The following PPARA variants were observed in gnomAD, a reference collection of about 807,000 sequenced individuals.
The protein encoded by PPARA is peroxisome proliferator activated receptor alpha.
Under a neutral mutation model 42.2 loss-of-function variants are expected in PPARA, and 22 were observed. The observed-to-expected ratio is 0.52, with a 90% CI of 0.37 to 0.74. PPARA has a LOEUF of 0.74. Ranked by LOEUF, PPARA falls within the 30% of genes least tolerant of loss-of-function variation. The probability of loss-of-function intolerance (pLI) is 0.00; values close to 1 mark genes in which losing one functional copy is unlikely to be tolerated. For missense variants in PPARA, 465 were observed against 608.2 expected (o/e 0.76, Z 2.48); for synonymous variants, 242 against 239.3 (o/e 1.01, Z -0.10).
chr22:46,198,598 G>A lies in PPARA; in HGVS notation c.208+7G>A, dbSNP rs758611139. On this transcript the variant is annotated splice_region_variant and intron_variant, in intron 4 of 8. Coordinates refer to ENST00000407236, the MANE Select transcript of PPARA (RefSeq NM_005036.6). ...GATGGCTCGGTCATCACGGGTAAGT[G>A]TGCCGTTTCCTAGAAAGTTTTATTT... 1.2e-6 allele frequency: 2 copies of A among 1,611,418 alleles called. No individual in the cohort carries two copies. The highest frequency in any genetic ancestry group is 1.7e-6 in the Non-Finnish European group (2 of 1,178,494).
intron 4 of PPARA, among the ~76,000 whole-genome samples, chr22:46,210,423 T>C (rs1933814616): frequency 6.6e-6 from 1 of 152,030 alleles, no homozygotes; most frequent in South Asian, 2.1e-4. Context: ...TTTCTGATTC[T>C]TCATGTGTCC....
At chr22:46,215,104 C>T (rs1231031230) in intron 4 of PPARA, 69 bp from the exon 5 acceptor site, 3 of 1,573,494 alleles carry the variant, frequency 1.9e-6, no homozygotes, top group Admixed American at 1.7e-5. Flanking sequence ...ATCACATCCT[C>T]ATAGACCCGG....
At chr22:46,152,849 C>T (rs1243919450) in intron 2 of PPARA, among the ~76,000 whole-genome samples, 3 of 152,092 alleles carry the variant, frequency 2.0e-5, no homozygotes, top group Non-Finnish European at 4.4e-5. Flanking sequence ...ACTTTGGAAG[C>T]TGGGGTGGGC....
In PPARA at chr22:46,162,705, C is replaced by T. The variant is rs1241442051; in HGVS notation, c.-127+10735C>T. Reference sequence around the variant, plus strand: ...GGTGCTTCAGGACTGGCTCTGGGAGCCTGTGGCTCCTGCCGGGTACCCACC... The same window carrying T: ...GGTGCTTCAGGACTGGCTCTGGGAGTCTGTGGCTCCTGCCGGGTACCCACC... On this transcript the variant is annotated intron_variant, in intron 2 of 8. Transcript: ENST00000407236. This position sits in a 1 kb window ranked among gnomAD's most constrained non-coding sequence, Gnocchi z 6.0. Among the ~76,000 whole-genome samples the T allele has an allele frequency of 6.6e-6, 1 of 152,174 alleles. No individual in the cohort carries two copies. Among genetic ancestry groups the T allele is most frequent in the Non-Finnish European group, 1.5e-5 (1 of 68,042 alleles).
chr22:46,176,444 C>A (rs1016860609), intron 2 of PPARA, among the ~76,000 whole-genome samples: 4 of 152,086 alleles, frequency 2.6e-5, no homozygotes, highest in Non-Finnish European at 4.4e-5. Flanking sequence ...CAAGATCATG[C>A]CACTGCACTC....
At chr22:46,158,726 C>T (rs1365435978) in intron 2 of PPARA, among the ~76,000 whole-genome samples, 1 of 152,184 alleles carries the variant, frequency 6.6e-6, no homozygotes, top group Non-Finnish European at 1.5e-5. Flanking sequence ...GAAGCATTTT[C>T]AGGCAGTTTT....
At position 46,183,870 on chromosome 22, in the gene PPARA, G is replaced by T. The variant is rs1378425750; in HGVS notation, c.-43+7034G>T. 6.6e-6 allele frequency among the ~76,000 whole-genome samples: 1 copy of T among 152,158 alleles called. No homozygotes were observed. The highest frequency in any genetic ancestry group is 6.6e-5 in the Admixed American group (1 of 15,264). ...AGTAAACCACACAGAGGGTTCTAACGTGGTTGTTAGAAGCAGAAACTAGAG... is the reference window on the plus strand; with the variant it reads ...AGTAAACCACACAGAGGGTTCTAACTTGGTTGTTAGAAGCAGAAACTAGAG... On this transcript the variant is annotated intron_variant, in intron 3 of 8. Coordinates refer to ENST00000407236, the MANE Select transcript of PPARA (RefSeq NM_005036.6). The surrounding 1 kb of genome is among the most constrained non-coding windows in gnomAD (Gnocchi z 5.5).
intron 7 of PPARA, among the ~76,000 whole-genome samples, chr22:46,228,842 C>A (rs1045727320): frequency 6.6e-6 from 1 of 151,840 alleles, no homozygotes; most frequent in African/African-American, 2.4e-5. Context: ...TGGTGGCTCA[C>A]GCCTGTAATC....
Position 46,211,010 on chromosome 22 carries a change from C to T in PPARA, c.209-4163C>T, listed in dbSNP as rs1202667542. Among the ~76,000 whole-genome samples, 1 of 152,124 alleles carries T rather than the reference C, an allele frequency of 6.6e-6. No homozygotes were observed. Among genetic ancestry groups the T allele is most frequent in the Non-Finnish European group, 1.5e-5 (1 of 68,022 alleles). On this transcript the variant is annotated intron_variant, in intron 4 of 8. Coordinates refer to ENST00000407236, the MANE Select transcript of PPARA (RefSeq NM_005036.6). This position sits in a 1 kb window ranked among gnomAD's most constrained non-coding sequence, Gnocchi z 4.1. ...TTCAGTGATCTTCCACTGTGGGAGG[C>T]GAGAGCAGGACTATATCCAGCTCCA... is the stretch of plus-strand genomic sequence containing the variant.
At chr22:46,213,779 C>T (rs544051876) in intron 4 of PPARA, among the ~76,000 whole-genome samples, 2 of 152,216 alleles carry the variant, frequency 1.3e-5, no homozygotes, top group East Asian at 1.9e-4. Flanking sequence ...TTAGTAGAGA[C>T]GGAGTTTCAC....
chr22:46,221,788 A>G lies in PPARA; in HGVS notation c.711+1774A>G, dbSNP rs1211123165. ...CACTTCCAGCCTGGGCGACAAAGCC[A>G]GCTGTGTCTGGGCGCGGTGGCTCAT... On this transcript the variant is annotated intron_variant, in intron 7 of 8. Coordinates refer to ENST00000407236, the MANE Select transcript of PPARA (RefSeq NM_005036.6). This position sits in a 1 kb window ranked among gnomAD's most constrained non-coding sequence, Gnocchi z 5.9. Among the ~76,000 whole-genome samples the G allele has an allele frequency of 6.6e-6, 1 of 151,874 alleles. No individual in the cohort carries two copies. The highest frequency in any genetic ancestry group is 1.5e-5 in the Non-Finnish European group (1 of 68,002).
At chr22:46,207,524 C>A (rs1403601872) in intron 4 of PPARA, among the ~76,000 whole-genome samples, 1 of 150,308 alleles carries the variant, frequency 6.7e-6, no homozygotes, top group Non-Finnish European at 1.5e-5. Context: ...ACCTCATGAT[C>A]CGCCCACCTC....
At chr22:46,194,129 G>C (rs1931911908) in intron 3 of PPARA, among the ~76,000 whole-genome samples, 1 of 152,162 alleles carries the variant, frequency 6.6e-6, no homozygotes, top group Admixed American at 6.5e-5. Flanking sequence ...GTCTATCTGG[G>C]GGATGCATCC....
chr22:46,179,567 A>G (rs966479462), intron 3 of PPARA, among the ~76,000 whole-genome samples: 2 of 152,254 alleles, frequency 1.3e-5, no homozygotes, highest in Non-Finnish European at 2.9e-5. Flanking sequence ...TTAACTCAAA[A>G]TAGATCAGAG....
chr22:46,158,297 C>T (rs1456326057), intron 2 of PPARA, among the ~76,000 whole-genome samples: 2 of 152,114 alleles, frequency 1.3e-5, no homozygotes, highest in Non-Finnish European at 2.9e-5. Flanking sequence ...ATCCCAGCTA[C>T]TCAGGAGGCT....
chr22:46,154,137 T>G, intron 2 of PPARA, among the ~76,000 whole-genome samples: 1 of 152,216 alleles, frequency 6.6e-6, no homozygotes, highest in East Asian at 1.9e-4. Flanking sequence ...TCCGCAGTGC[T>G]GAACAAGACA....
rs4253786 is a variant in PPARA, at chr22:46,173,852, A to T, written c.-126-2901A>T. On this transcript the variant is annotated intron_variant, in intron 2 of 8. Coordinates refer to ENST00000407236, the MANE Select transcript of PPARA (RefSeq NM_005036.6). The surrounding 1 kb of genome is among the most constrained non-coding windows in gnomAD (Gnocchi z 4.3). ...TATTTAGGAGAAAGGGCCATGAGGC[A>T]TGCAACTCACCCTCAAATACACACA... 7.1e-3 allele frequency among the ~76,000 whole-genome samples: 1,081 copies of T among 152,328 alleles called. 8 individuals are homozygous for T. The highest frequency in any genetic ancestry group is 9.7e-3 in the Non-Finnish European group (662 of 68,030).
Position 46,239,661 on chromosome 22 carries a change from C to G in PPARA, c.*4281C>G, listed in dbSNP as rs1250736494. The G allele has an allele frequency of 2.7e-5, 4 of 148,834 alleles. No individual in the cohort carries two copies. The highest frequency in any genetic ancestry group is 7.5e-5 in the African/African-American group (3 of 40,182). The allele number at this position is 148,834 out of a possible 1,614,324, so 9.2% of individuals were successfully genotyped here. ...GACAAACCCCCCTCCCCGCACCGCCCCCAGCACCCCCTCTCCTCTTCACCT... is the reference window on the plus strand; with the variant it reads ...GACAAACCCCCCTCCCCGCACCGCCGCCAGCACCCCCTCTCCTCTTCACCT... On this transcript the variant is annotated 3_prime_UTR_variant, in exon 9 of 9. Transcript: ENST00000407236.
At chr22:46,207,025 C>A (rs1225941059) in intron 4 of PPARA, among the ~76,000 whole-genome samples, 1 of 152,034 alleles carries the variant, frequency 6.6e-6, no homozygotes, top group African/African-American at 2.4e-5. Context: ...GAGTTCAAGA[C>A]CAGCCTGACC....
Sources: gnomAD v4.1 joint callset for allele counts (sites outside exome capture counted in the v4.1 genomes callset) on GRCh38, gnomAD v4.1.1 for gene constraint, Gnocchi (gnomAD v3.1) non-coding constraint, MANE v1.5 for transcripts, NCBI Gene and HGNC (gene_info 2026-07-23, HGNC 2026-07-21) for gene names.